Variants in LRRIQ1 observed in about 807,000 individuals in gnomAD.
The protein encoded by LRRIQ1 is leucine rich repeats and IQ motif containing 1.
In LRRIQ1, 210 loss-of-function variants were observed where a neutral mutation model predicts 211.9. The ratio of observed to expected loss-of-function variants is 0.99; its 90% CI spans 0.89 to 1.11. LRRIQ1 has a LOEUF of 1.11. Among genes scored for constraint, LRRIQ1 ranks in the 50% most tolerant of loss-of-function variants. The pLI is 0.00. For synonymous variants in LRRIQ1, 699 were observed against 650.1 expected (o/e 1.08, Z -1.14); for missense variants, 2,136 against 1,939.5 (o/e 1.10, Z -1.90).
At chr12:85,083,087 C>G (rs1323990779) in intron 11 of LRRIQ1, among the ~76,000 whole-genome samples, 62 of 152,122 alleles carry the variant, frequency 4.1e-4, no homozygotes, top group Admixed American at 4.1e-3. Flanking sequence ...ATTTAACTTT[C>G]AGCAATGTAT....
At chr12:85,239,400 C>G (rs985638464) in intron 26 of LRRIQ1, among the ~76,000 whole-genome samples, 3 of 140,302 alleles carry the variant, frequency 2.1e-5, no homozygotes, top group Non-Finnish European at 4.8e-5. Flanking sequence ...TATATATATA[C>G]ACACACATAT....
chr12:85,144,463 A>G (rs1889754767), intron 19 of LRRIQ1, among the ~76,000 whole-genome samples: 1 of 151,642 alleles, frequency 6.6e-6, no homozygotes, highest in African/African-American at 2.4e-5. Context: ...GTTGATCAAG[A>G]AAGGCCTGTG....
Position 85,073,048 on chromosome 12 carries a change from T to A in LRRIQ1, c.2837T>A (p.Leu946His). ...TGGTCCTGGATACCTATTACCTCAC[T>A]TACAAAAAATTCAGATTGTAATTTC... is the stretch of plus-strand genomic sequence containing the variant. ...LCWSWIPITS[L>H]TKNSDCNFLI... Residue 946 changes from leucine to histidine, a missense_variant, in exon 11 of 27, where the codon CTT (leucine) becomes CAT (histidine). By Grantham distance (99) the Leu-to-His change is moderately conservative. Coordinates refer to ENST00000393217, the MANE Select transcript of LRRIQ1 (RefSeq NM_001079910.2). The A allele has an allele frequency of 6.2e-7, 1 of 1,609,776 alleles. No homozygotes were observed. The highest frequency in any genetic ancestry group is 8.5e-7 in the Non-Finnish European group (1 of 1,177,816).
intron 1 of LRRIQ1, among the ~76,000 whole-genome samples, chr12:85,257,158 A>AATAATTATGTAT: frequency 1.7e-5 from 2 of 120,656 alleles, no homozygotes; most frequent in Admixed American, 2.2e-4. Context: ...ATGATTATAT[A>AATAATTATGTAT]TAATTATATA....
intron 1 of LRRIQ1, among the ~76,000 whole-genome samples, chr12:85,262,593 G>A (rs924610391): frequency 6.6e-6 from 1 of 151,624 alleles, no homozygotes; most frequent in Non-Finnish European, 1.5e-5. Flanking sequence ...ACAAATATAA[G>A]TACCTTAAAA....
chr12:85,066,711 T>C (rs756670565), intron 9 of LRRIQ1, 37 bp from the exon 10 acceptor site: 1 of 1,536,044 alleles, frequency 6.5e-7, no homozygotes, highest in Non-Finnish European at 8.8e-7. Context: ...TAATAAGCCA[T>C]TGAAATAAAA....
intron 24 of LRRIQ1, among the ~76,000 whole-genome samples, chr12:85,184,436 A>G (rs1403279982): frequency 6.6e-6 from 1 of 152,086 alleles, no homozygotes; most frequent in African/African-American, 2.4e-5. Context: ...TAAAAATTAT[A>G]CATTAAACTT....
intron 22 of LRRIQ1, 56 bp from the exon 23 acceptor site, chr12:85,153,956 A>G (rs888212315): frequency 8.3e-7 from 1 of 1,205,408 alleles, no homozygotes; most frequent in African/African-American, 1.6e-5. Context: ...TTATATGCAT[A>G]TCTAAATATG....
At position 85,225,699 on chromosome 12, in the gene LRRIQ1, A is replaced by T. The variant is rs534134783; in HGVS notation, c.4823-3818A>T. ...GCAAGGAATTGTGGACAAAGGGATT[A>T]GTGTTCTGCAGGCAGAAGGTTGCTT... is the stretch of plus-strand genomic sequence containing the variant. On this transcript the variant is annotated intron_variant, in intron 24 of 26. Transcript: ENST00000393217. Among the ~76,000 whole-genome samples the T allele has an allele frequency of 3.3e-5, 5 of 152,296 alleles. No homozygotes were observed. The East Asian group carries it at 9.7e-4, about 29-fold the overall frequency.
chr12:85,230,151 T>C (rs1254407431), intron 25 of LRRIQ1, among the ~76,000 whole-genome samples: 1 of 152,178 alleles, frequency 6.6e-6, no homozygotes, highest in African/African-American at 2.4e-5. Context: ...GTTGAAGATA[T>C]CAAATGTTTA....
rs1202114308 is a variant in LRRIQ1 at position 85,153,662 on chromosome 12, G to T, written c.4542-1G>T. 4 of 1,573,098 alleles carry T rather than the reference G, an allele frequency of 2.5e-6. No homozygotes were observed. Among genetic ancestry groups the T allele is most frequent in the Non-Finnish European group, 3.4e-6 (4 of 1,161,290 alleles). On this transcript the variant is annotated splice_acceptor_variant, in intron 21 of 26. Transcript: ENST00000393217. LOFTEE classifies it high-confidence loss of function. ...TAAAAGTGGTTTTTTTCTATTGCCA[G>T]ATCAGAAAATAAAACTTCTTCCTGG...
chr12:85,044,628 T>C, intron 3 of LRRIQ1, 90 bp from the exon 4 acceptor site: 3 of 584,146 alleles, frequency 5.1e-6, no homozygotes, highest in Non-Finnish European at 9.1e-6. Context: ...TGATAGAATT[T>C]GAGGTTAAAA....
At chr12:85,079,796 G>A (rs528539857) in intron 11 of LRRIQ1, among the ~76,000 whole-genome samples, 47 of 152,000 alleles carry the variant, frequency 3.1e-4, no homozygotes, top group Non-Finnish European at 5.7e-4. Context: ...TGGTTTGACT[G>A]AGGTTTTAAA....
rs1895953709 is a variant in LRRIQ1, at chr12:85,251,822, C to T, written c.121+6913C>T. Reference sequence around the variant, plus strand: ...TAGAGGAGATCAAGATTCCTTCTAGCTTTCAAATTCCATAATTCTGCAACT... The same window carrying T: ...TAGAGGAGATCAAGATTCCTTCTAGTTTTCAAATTCCATAATTCTGCAACT... On this transcript the variant is annotated intron_variant, in intron 1 of 1. Coordinates refer to the LRRIQ1 transcript ENST00000602731. 2.7e-5 allele frequency among the ~76,000 whole-genome samples: 4 copies of T among 150,312 alleles called. 1 individual carries two copies. In the South Asian group the frequency reaches 8.4e-4, roughly 31 times the overall value.
intron 24 of LRRIQ1, among the ~76,000 whole-genome samples, chr12:85,197,936 T>A (rs1893033023): frequency 5.5e-5 from 6 of 109,620 alleles, no homozygotes; most frequent in Non-Finnish European, 9.1e-5. Context: ...AATATAATTA[T>A]ATATATTTAT....
At chr12:85,100,358 G>A (rs1023304487) in intron 13 of LRRIQ1, among the ~76,000 whole-genome samples, 8 of 151,726 alleles carry the variant, frequency 5.3e-5, no homozygotes, top group African/African-American at 1.9e-4. Flanking sequence ...TGCATATCAA[G>A]CTGATAAAAT....
At chr12:85,193,136 TATATGGGACC>T (rs1315365826) in intron 24 of LRRIQ1, among the ~76,000 whole-genome samples, 2 of 129,852 alleles carry the variant, frequency 1.5e-5, no homozygotes, top group Non-Finnish European at 1.6e-5. Context: ...TATATTTTTA[TATATGGGACC>T]ATATATTTAT....
chr12:85,226,564 G>A (rs1232635568), intron 24 of LRRIQ1, among the ~76,000 whole-genome samples: 1 of 143,512 alleles, frequency 7.0e-6, no homozygotes, highest in Non-Finnish European at 1.5e-5. Flanking sequence ...AAGTTCTAGG[G>A]TACATGTGCA....
At chr12:85,197,158 C>A (rs1317885927) in intron 24 of LRRIQ1, among the ~76,000 whole-genome samples, 1 of 152,146 alleles carries the variant, frequency 6.6e-6, no homozygotes, top group Non-Finnish European at 1.5e-5. Context: ...GAATGGCAAT[C>A]ATTAAAAAGT....
Sources: gnomAD v4.1 joint callset for allele counts (sites outside exome capture counted in the v4.1 genomes callset) on GRCh38, gnomAD v4.1.1 for gene constraint, MANE v1.5 for transcripts, NCBI Gene and HGNC (gene_info 2026-07-23, HGNC 2026-07-21) for gene names.